The following CDKN2A variants were observed in gnomAD, a reference collection of about 807,000 sequenced individuals.
The protein encoded by CDKN2A is cyclin dependent kinase inhibitor 2A.
CDKN2A carries 3 observed loss-of-function variants against 11.1 expected under a neutral mutation model. That is an observed-to-expected ratio of 0.27 (90% confidence interval 0.12 to 0.70). The LOEUF is 0.70. CDKN2A is among the 30% of genes least tolerant of loss of function. The pLI is 0.77. For synonymous variants in CDKN2A, 122 were observed against 108.1 expected, an observed-to-expected ratio of 1.13 and a Z score of -0.80; for missense variants, 265 against 233.6, an observed-to-expected ratio of 1.13 and a Z score of -0.88.
chr9:21,994,617 C>A (rs376859278), intron 1 of CDKN2A: 305 of 514,674 alleles, frequency 5.9e-4, no homozygotes, highest in South Asian at 2.9e-4. Flanking sequence ...CGTAGGGAGG[C>A]GCGCGCGCGG....
rs1360119520 is a variant in CDKN2A at position 21,991,185 on chromosome 9, AG to A, written c.-4+2696del. Among the ~76,000 whole-genome samples the A allele has an allele frequency of 6.6e-6, 1 of 152,148 alleles. No homozygotes were observed. The highest frequency in any genetic ancestry group is 2.4e-5 in the African/African-American group (1 of 41,420). On this transcript the variant is annotated intron_variant, in intron 2 of 3. Coordinates refer to the CDKN2A transcript ENST00000494262. The surrounding 1 kb of genome is among the most constrained non-coding windows in gnomAD (Gnocchi z 5.2). ...TCAGGCTGGGCTTTGCAGCAGATGGAGGAGCTAGGGCAAGCTTGTCCAACCT... is the reference window on the plus strand; with the variant it reads ...TCAGGCTGGGCTTTGCAGCAGATGGAGAGCTAGGGCAAGCTTGTCCAACCT...
At chr9:21,971,790 A>G (rs1440755572) in intron 1 of CDKN2A, among the ~76,000 whole-genome samples, 1 of 152,076 alleles carries the variant, frequency 6.6e-6, no homozygotes, top group Admixed American at 6.5e-5. Context: ...TATGTGGTAC[A>G]ATATGAAGTT....
chr9:21,977,633 T>TC (rs1307431323), upstream of CDKN2A, among the ~76,000 whole-genome samples: 1 of 152,200 alleles, frequency 6.6e-6, no homozygotes. Context: ...CCCAAAGTGC[T>TC]GGGATTACAG....
At chr9:21,971,500 T>A (rs374415318) in intron 1 of CDKN2A, 8 of 574,280 alleles carry the variant, frequency 1.4e-5, no homozygotes, top group African/African-American at 1.2e-4. Flanking sequence ...TGACTTTTAC[T>A]CCAGGCTAAC....
rs908904896 is a variant in CDKN2A, at chr9:21,993,935, G to C, written c.-57C>G. ...GTTCGCCTCAGTTTCCCACGATTGA[G>C]GGGCTGTGTGAAGGGAGGTCCAGGT... On this transcript the variant is annotated 5_prime_UTR_variant, in exon 2 of 4. Coordinates refer to the CDKN2A transcript ENST00000494262. 6 of 642,964 alleles carry C rather than the reference G, an allele frequency of 9.3e-6. No homozygotes were observed. In the East Asian group the frequency reaches 1.6e-4, roughly 18 times the overall value. 39.8% of individuals were successfully genotyped at this position (642,964 alleles called of 1,614,324 possible). A position where few individuals can be genotyped will look rare whatever the true frequency, so the allele number is the denominator to read the frequency against.
intron 2 of CDKN2A, chr9:21,969,893 T>C (rs992403641): frequency 1.0e-5 from 4 of 397,372 alleles, no homozygotes; most frequent in Non-Finnish European, 1.3e-5. Context: ...ATTTACAGCA[T>C]CTCCAAGCAG....
rs369311534 is a variant in CDKN2A at position 21,968,155 on chromosome 9, G to T, written c.*74C>A. On this transcript the variant is annotated 3_prime_UTR_variant, in exon 3 of 3. Transcript: ENST00000304494. This position sits in a 1 kb window ranked among gnomAD's most constrained non-coding sequence, Gnocchi z 4.7. ...AGCGGGGTGGGTTGTGGCGGGGGCA[G>T]TTGTGGCCCTGTAGGACCTTCGGTG... 29 of 1,325,292 alleles carry T rather than the reference G, an allele frequency of 2.2e-5. No individual in the cohort carries two copies. The highest frequency in any genetic ancestry group is 3.1e-5 in the Non-Finnish European group (29 of 924,258). 82.1% of individuals were successfully genotyped at this position (1,325,292 alleles called of 1,614,324 possible). A position where few individuals can be genotyped will look rare whatever the true frequency, so the allele number is the denominator to read the frequency against.
At chr9:21,975,162 A>G, upstream of CDKN2A, 2 of 1,173,208 alleles carry the variant, frequency 1.7e-6, no homozygotes, top group Non-Finnish European at 2.1e-6. Context: ...AGGAAGGAGG[A>G]CTGGGCTCCT....
At chr9:21,979,435 G>A (rs567931399), upstream of CDKN2A, among the ~76,000 whole-genome samples, 1 of 152,282 alleles carries the variant, frequency 6.6e-6, no homozygotes, top group South Asian at 2.1e-4. Context: ...GAAGAGAAGG[G>A]AAAGTTAGAA....
chr9:21,977,380 G>T (rs1355914523), upstream of CDKN2A, among the ~76,000 whole-genome samples: 1 of 151,934 alleles, frequency 6.6e-6, no homozygotes, highest in Non-Finnish European at 1.5e-5. Flanking sequence ...TTTTTGAGAT[G>T]GAGTTTCGCT....
chr9:21,991,832 C>T lies in CDKN2A; in HGVS notation c.-4+2050G>A, dbSNP rs989520772. 2.0e-6 allele frequency: 2 copies of T among 984,874 alleles called. No individual in the cohort carries two copies. The highest frequency in any genetic ancestry group is 9.4e-5 in the South Asian group (2 of 21,282). The allele number at this position is 984,874 out of a possible 1,614,324, so 61.0% of individuals were successfully genotyped here. ...TGGTTCACTTGGAACACAATACAAA[C>T]TGTGAATCATGTACACATGGGGAAT... On this transcript the variant is annotated intron_variant, in intron 2 of 3. Coordinates refer to the CDKN2A transcript ENST00000494262. This position sits in a 1 kb window ranked among gnomAD's most constrained non-coding sequence, Gnocchi z 5.2.
At chr9:21,975,019 G>C, upstream of CDKN2A, 1 of 1,380,724 alleles carries the variant, frequency 7.2e-7, no homozygotes, top group Non-Finnish European at 9.3e-7. Context: ...AGGGGACGCC[G>C]TGAGCGAGTG....
rs905857571 is a variant in CDKN2A, at chr9:21,974,173, T to G, written c.150+505A>C. Among the ~76,000 whole-genome samples the G allele has an allele frequency of 3.3e-5, 5 of 152,140 alleles. No homozygotes were observed. Among genetic ancestry groups the G allele is most frequent in the African/African-American group, 1.2e-4 (5 of 41,418 alleles). ...CCCAAAGTGAAGGGATTACAAGGCGTGAGGCACCGCGCCCGGCCGCTTCTG... is the reference window on the plus strand; with the variant it reads ...CCCAAAGTGAAGGGATTACAAGGCGGGAGGCACCGCGCCCGGCCGCTTCTG... On this transcript the variant is annotated intron_variant, in intron 1 of 2. Transcript: ENST00000304494. The surrounding 1 kb of genome is among the most constrained non-coding windows in gnomAD (Gnocchi z 5.2).
rs34886500 is a variant in CDKN2A, at chr9:21,971,064, G to C, written c.295C>G (p.Arg99Gly). Residue 99 changes from arginine (R) to glycine (G), a missense_variant, in exon 2 of 3, where the codon CGG becomes GGG. Coordinates refer to ENST00000304494, the MANE Select transcript of CDKN2A (RefSeq NM_000077.5). ...CGCACGTCCAGCCGCGCCCCGGCCC[G>C]GTGCAGCACCACCAGCGTGTCCAGG... ...GFLDTLVVLH[R>G]AGARLDVRDA... 7 of 1,605,426 alleles carry C rather than the reference G, an allele frequency of 4.4e-6. No homozygotes were observed. The highest frequency in any genetic ancestry group is 5.9e-6 in the Non-Finnish European group (7 of 1,179,416).
At position 21,970,975 on chromosome 9, in the gene CDKN2A, C is replaced by T. The variant is rs199901898; in HGVS notation, c.384G>A (p.Arg128=). Residue 128 remains arginine, a synonymous_variant, in exon 2 of 3, where the codon CGG becomes CGA. Transcript: ENST00000304494. ...TGCCCCCCGCAGCCGCGCGCAGGTA[C>T]CGTGCGACATCGCGATGGCCCAGCT... is the stretch of plus-strand genomic sequence containing the variant. ...AEELGHRDVA[R]YLRAAAGGTR... is the part of the protein sequence containing the mutation. 226 of 1,611,180 alleles carry T rather than the reference C, an allele frequency of 1.4e-4. No individual in the cohort carries two copies. The highest frequency in any genetic ancestry group is 2.7e-4 in the Admixed American group (16 of 60,014).
In CDKN2A at chr9:21,968,529, C is replaced by CA; in HGVS notation, c.458-288dup. 1 of 1,450,288 alleles carries CA rather than the reference C, an allele frequency of 6.9e-7. No homozygotes were observed. The highest frequency in any genetic ancestry group is 9.0e-7 in the Non-Finnish European group (1 of 1,108,834). The allele number at this position is 1,450,288 out of a possible 1,614,324, so 89.8% of individuals were successfully genotyped here. On this transcript the variant is annotated intron_variant, in intron 2 of 2. Coordinates refer to ENST00000304494, the MANE Select transcript of CDKN2A (RefSeq NM_000077.5). This position sits in a 1 kb window ranked among gnomAD's most constrained non-coding sequence, Gnocchi z 4.7. ...CGCGACCGCGCGGCCCGCAGGGTTG[C>CA]AAGAAGAAAACGAGTGTTATATAAT...
chr9:21,974,616 G>A lies in CDKN2A; in HGVS notation c.150+62C>T, dbSNP rs1480409258. ...AGCGCTACCTGATTCCAATTCCCCT[G>A]CAAACTTCGTCCTCCAGAGTCGCCC... On this transcript the variant is annotated intron_variant, in intron 1 of 2. Transcript: ENST00000304494. The surrounding 1 kb of genome is among the most constrained non-coding windows in gnomAD (Gnocchi z 5.2). The A allele has an allele frequency of 6.2e-7, 1 of 1,614,002 alleles. No homozygotes were observed. The highest frequency in any genetic ancestry group is 8.5e-7 in the Non-Finnish European group (1 of 1,180,012).
chr9:21,973,327 T>A (rs1819868332), intron 1 of CDKN2A, among the ~76,000 whole-genome samples: 1 of 152,232 alleles, frequency 6.6e-6, no homozygotes. Context: ...TTTAGTACTT[T>A]AAAATGTTAT....
rs1234187442 is a variant in CDKN2A at position 21,994,191 on chromosome 9, C to T, written c.-175-138G>A. 6.2e-7 allele frequency: 1 copy of T among 1,606,090 alleles called. No homozygotes were observed. Among genetic ancestry groups the T allele is most frequent in the Non-Finnish European group, 8.5e-7 (1 of 1,179,888 alleles). Reference sequence around the variant, plus strand: ...CTAGACGCTGGCTCCTCAGTAGCATCAGCACGAGGGCCACAGCGGCGGGCG... The same window carrying T: ...CTAGACGCTGGCTCCTCAGTAGCATTAGCACGAGGGCCACAGCGGCGGGCG... On this transcript the variant is annotated intron_variant, in intron 1 of 3. Coordinates refer to the CDKN2A transcript ENST00000494262.
Sources: allele counts gnomAD v4.1 joint callset (sites outside exome capture counted in the v4.1 genomes callset), GRCh38; gene constraint gnomAD v4.1.1; non-coding constraint Gnocchi (gnomAD v3.1); transcripts MANE v1.5; gene names NCBI Gene and HGNC (gene_info 2026-07-23, HGNC 2026-07-21).